GRID2: variants seen among roughly 807,000 people sequenced by gnomAD.
GRID2 encodes the protein glutamate receptor ionotropic, delta-2.
In GRID2, 33 loss-of-function variants were observed where a neutral mutation model predicts 114.8. The observed-to-expected ratio is 0.29, with a 90% CI of 0.22 to 0.38. GRID2 has a LOEUF of 0.38. GRID2 is among the 10% of genes least tolerant of loss of function. GRID2 has a pLI of 1.00. For synonymous variants in GRID2, 505 were observed against 449.9 expected (o/e 1.12, Z -1.55); for missense variants, 1,184 against 1,257.7 (o/e 0.94, Z 0.89).
At chr4:92,699,320 G>A (rs1734560964) in intron 2 of GRID2, among the ~76,000 whole-genome samples, 1 of 152,080 alleles carries the variant, frequency 6.6e-6, no homozygotes, top group African/African-American at 2.4e-5. Flanking sequence ...AAATATTCCA[G>A]TACATTTCCC....
At chr4:93,564,520 ACTTTATTCT>A (rs1479497985) in intron 13 of GRID2, among the ~76,000 whole-genome samples, 1 of 152,046 alleles carries the variant, frequency 6.6e-6, no homozygotes, top group East Asian at 1.9e-4. Flanking sequence ...AGTAGCACTG[ACTTTATTCT>A]CTTAACATGT....
intron 8 of GRID2, among the ~76,000 whole-genome samples, chr4:93,383,250 G>A (rs761388916): frequency 3.3e-5 from 5 of 152,078 alleles, no homozygotes; most frequent in African/African-American, 9.7e-5. Flanking sequence ...CTACAAGTCC[G>A]TGATTAGAAG....
At chr4:92,527,692 G>A (rs1725112991) in intron 1 of GRID2, among the ~76,000 whole-genome samples, 1 of 151,962 alleles carries the variant, frequency 6.6e-6, no homozygotes, top group South Asian at 2.1e-4. Flanking sequence ...CACTTAGTGT[G>A]TTAGTAGCAT....
At chr4:93,223,604 T>C (rs1276589960) in intron 6 of GRID2, among the ~76,000 whole-genome samples, 1 of 152,164 alleles carries the variant, frequency 6.6e-6, no homozygotes, top group Non-Finnish European at 1.5e-5. Flanking sequence ...GTGATAACAA[T>C]ATACTTTCAA....
intron 2 of GRID2, among the ~76,000 whole-genome samples, chr4:92,799,001 C>G (rs1054489833): frequency 2.6e-5 from 4 of 151,938 alleles, no homozygotes; most frequent in African/African-American, 9.7e-5. Flanking sequence ...ACCAGGGATA[C>G]GATTGGTGGA....
intron 2 of GRID2, among the ~76,000 whole-genome samples, chr4:92,765,583 A>G (rs1280657903): frequency 6.6e-6 from 1 of 151,762 alleles, no homozygotes; most frequent in Non-Finnish European, 1.5e-5. Flanking sequence ...GACACTTTTT[A>G]GGTAGAGGTT....
chr4:93,517,971 A>ACG (rs1560706221), intron 13 of GRID2, among the ~76,000 whole-genome samples: 18 of 31,776 alleles, frequency 5.7e-4, no homozygotes, highest in African/African-American at 2.7e-3. Flanking sequence ...GTATATACAT[A>ACG]CATGTACATG....
chr4:93,734,320 C>T (rs538946381), intron 14 of GRID2, among the ~76,000 whole-genome samples: 27 of 152,114 alleles, frequency 1.8e-4, no homozygotes, highest in African/African-American at 6.5e-4. Flanking sequence ...TGAGATTAGG[C>T]TCATCTTTCT....
At chr4:93,498,438 A>T (rs143437117) in intron 12 of GRID2, among the ~76,000 whole-genome samples, 1 of 151,934 alleles carries the variant, frequency 6.6e-6, no homozygotes, top group Non-Finnish European at 1.5e-5. Flanking sequence ...TTAAATTTCA[A>T]TATGAACTCT....
At chr4:93,424,980 G>C (rs575458727) in intron 10 of GRID2, among the ~76,000 whole-genome samples, 1 of 151,890 alleles carries the variant, frequency 6.6e-6, no homozygotes, top group Non-Finnish European at 1.5e-5. Context: ...ATTCTAGATT[G>C]CTTATTTTTT....
At chr4:93,357,041 CA>C (rs1761402743) in intron 8 of GRID2, among the ~76,000 whole-genome samples, 1 of 151,364 alleles carries the variant, frequency 6.6e-6, no homozygotes, top group Non-Finnish European at 1.5e-5. Flanking sequence ...GGCCTGTTTT[CA>C]ATTTTTTTTA....
intron 14 of GRID2, among the ~76,000 whole-genome samples, chr4:93,713,773 AC>A (rs916742680): frequency 6.6e-6 from 1 of 152,114 alleles, no homozygotes; most frequent in Non-Finnish European, 1.5e-5. Context: ...CTAGTATCAA[AC>A]TTTTTCACTC....
intron 14 of GRID2, among the ~76,000 whole-genome samples, chr4:93,708,133 T>C (rs1728167580): frequency 6.6e-6 from 1 of 152,064 alleles, no homozygotes; most frequent in African/African-American, 2.4e-5. Context: ...ATGAACCATG[T>C]ACTGAAGAGA....
At chr4:93,559,809 G>T (rs569571645) in intron 13 of GRID2, among the ~76,000 whole-genome samples, 4 of 152,100 alleles carry the variant, frequency 2.6e-5, no homozygotes, top group Non-Finnish European at 4.4e-5. Flanking sequence ...ATTCACAGTA[G>T]CAATGACTTG....
rs370868206 is a variant in GRID2 at position 92,656,472 on chromosome 4, TA to T, written c.244+66197del. Among the ~76,000 whole-genome samples the T allele has an allele frequency of 1.2e-3, 173 of 145,288 alleles. 1 individual carries two copies. The highest frequency in any genetic ancestry group is 3.1e-3 in the African/African-American group (121 of 39,460). The stretch of plus-strand genomic sequence containing the variant: ...TACCTAGCCACCATGAAAGAAAAAT[TA>T]AAAAAAAAAACACTTTTCTAATCAT... On this transcript the variant is annotated intron_variant, in intron 2 of 15. Transcript: ENST00000282020.
At chr4:92,668,234 T>C (rs2149274167) in intron 2 of GRID2, among the ~76,000 whole-genome samples, 1 of 151,946 alleles carries the variant, frequency 6.6e-6, no homozygotes, top group Non-Finnish European at 1.5e-5. Flanking sequence ...TGTAGGGTTA[T>C]TTCCAGCTTT....
intron 13 of GRID2, among the ~76,000 whole-genome samples, chr4:93,581,648 C>G (rs1736994386): frequency 6.6e-6 from 1 of 152,166 alleles, no homozygotes; most frequent in Non-Finnish European, 1.5e-5. Context: ...GTAACTTACC[C>G]TAAACCTACA....
At chr4:92,650,502 T>A (rs995645107) in intron 2 of GRID2, among the ~76,000 whole-genome samples, 1 of 152,122 alleles carries the variant, frequency 6.6e-6, no homozygotes, top group African/African-American at 2.4e-5. Context: ...TTGAGAAATA[T>A]TAGTCCAATT....
intron 14 of GRID2, among the ~76,000 whole-genome samples, chr4:93,726,443 G>T (rs1256947623): frequency 6.6e-6 from 1 of 152,140 alleles, no homozygotes; most frequent in African/African-American, 2.4e-5. Flanking sequence ...TGTTCTTTTG[G>T]CTTAGGATTG....
Sources: allele counts gnomAD v4.1 joint callset (sites outside exome capture counted in the v4.1 genomes callset), GRCh38; gene constraint gnomAD v4.1.1; transcripts MANE v1.5; gene names NCBI Gene and HGNC (gene_info 2026-07-23, HGNC 2026-07-21).